The following PCDH10 variants were observed in gnomAD, a reference collection of about 807,000 sequenced individuals.
PCDH10 encodes protocadherin 10, also known as protocadherin-10.
PCDH10 carries 15 observed loss-of-function variants against 74.4 expected under a neutral mutation model. That is an observed-to-expected ratio of 0.20 (90% CI 0.13 to 0.31). The LOEUF is 0.31. Ranked by LOEUF, PCDH10 falls within the 10% of genes least tolerant of loss-of-function variation. The pLI is 1.00. For synonymous variants in PCDH10, 619 were observed against 589.8 expected, an observed-to-expected ratio of 1.05 and a Z score of -0.72; for missense variants, 1,260 against 1,390.2, an observed-to-expected ratio of 0.91 and a Z score of 1.49.
intron 2 of PCDH10, among the ~76,000 whole-genome samples, chr4:133,202,073 G>A (rs62311841): frequency 0.13 from 20,294 of 152,014 alleles, 1,771 homozygotes; most frequent in Middle Eastern, 0.22. Flanking sequence ...TTATATCTTT[G>A]TGATAAGTAG....
rs535030039 is a variant in PCDH10 at position 133,194,010 on chromosome 4, A to C, written c.*3850A>C. On this transcript the variant is annotated 3_prime_UTR_variant, in exon 5 of 5. Transcript: ENST00000264360. ...GCTAAGTCAGACAAAATCCTTATAC[A>C]GTAATTTGTGAAACTGTTCAGTAGA... is the stretch of plus-strand genomic sequence containing the variant. The C allele has an allele frequency of 1.3e-5, 2 of 151,920 alleles. No individual in the cohort carries two copies. Among genetic ancestry groups the C allele is most frequent in the East Asian group, 3.9e-4 (2 of 5,176 alleles). 9.4% of individuals were successfully genotyped at this position (151,920 alleles called of 1,614,324 possible).
intron 3 of PCDH10, among the ~76,000 whole-genome samples, chr4:133,162,457 A>T (rs1726988257): frequency 6.6e-6 from 1 of 152,042 alleles, no homozygotes; most frequent in African/African-American, 2.4e-5. Context: ...TTTCTGTTGA[A>T]TTTCACTTTC....
chr4:133,153,092 G>A, intron 1 of PCDH10: 2 of 1,335,568 alleles, frequency 1.5e-6, no homozygotes, highest in Non-Finnish European at 1.9e-6. Context: ...CTGCGTGAAG[G>A]GAGAGGGAAA....
intron 3 of PCDH10, among the ~76,000 whole-genome samples, chr4:133,158,297 T>G (rs1433726591): frequency 6.6e-6 from 1 of 152,128 alleles, no homozygotes; most frequent in Non-Finnish European, 1.5e-5. Context: ...AAGTGATCTG[T>G]TTAGTAGTGA....
intron 2 of PCDH10, among the ~76,000 whole-genome samples, chr4:133,200,087 C>G (rs556453550): frequency 1.2e-4 from 18 of 151,842 alleles, no homozygotes; most frequent in African/African-American, 4.1e-4. Flanking sequence ...CGTGAGCCAC[C>G]GCGCCCGGCC....
intron 2 of PCDH10, among the ~76,000 whole-genome samples, chr4:133,205,137 C>G (rs1727976548): frequency 6.6e-6 from 1 of 152,138 alleles, no homozygotes; most frequent in Admixed American, 6.5e-5. Context: ...TCTTCTGGAG[C>G]AGAGTGGGAA....
In PCDH10 at chr4:133,151,172, G is replaced by A; in HGVS notation, c.1032G>A (p.Val344=). The A allele has an allele frequency of 1.2e-6, 2 of 1,614,172 alleles. No individual in the cohort carries two copies. Among genetic ancestry groups the A allele is most frequent in the Non-Finnish European group, 1.7e-6 (2 of 1,180,036 alleles). The change falls in exon 1 of 5, where the codon GTG becomes GTA. Residue 344 remains valine, a synonymous_variant. Coordinates refer to ENST00000264360, the MANE Select transcript of PCDH10 (RefSeq NM_032961.3). ...ACGCCGTGCCTGCGCACTGCAAGGT[G>A]CTAGTGCGAGTACTGGATGCTAATG... ...GPNAVPAHCK[V]LVRVLDANDN...
rs113197798 is a variant in PCDH10, at chr4:133,190,071, A to G, written c.3104-70A>G. 1.5e-4 allele frequency: 185 copies of G among 1,274,256 alleles called. 2 individuals are homozygous for G. In the African/African-American group the frequency reaches 1.8e-3, roughly 12 times the overall value. The allele number at this position is 1,274,256 out of a possible 1,614,324, so 78.9% of individuals were successfully genotyped here. On this transcript the variant is annotated intron_variant, in intron 4 of 4. Transcript: ENST00000264360. ...TTTCTAACTGTATTCTTTCTTTTACAATAATGTGTAATTCTAAACTCCAAA... is the reference window on the plus strand; with the variant it reads ...TTTCTAACTGTATTCTTTCTTTTACGATAATGTGTAATTCTAAACTCCAAA...
At chr4:133,157,136 G>A (rs1330268324) in intron 3 of PCDH10, among the ~76,000 whole-genome samples, 2 of 152,270 alleles carry the variant, frequency 1.3e-5, no homozygotes, top group Middle Eastern at 3.4e-3. Context: ...TTACACGGCA[G>A]CCACAACATA....
chr4:133,180,113 C>T (rs1578572251), intron 4 of PCDH10, among the ~76,000 whole-genome samples: 3 of 151,974 alleles, frequency 2.0e-5, no homozygotes, highest in African/African-American at 4.8e-5. Flanking sequence ...TCTGGTATAT[C>T]ACTTTGTCTT....
At position 133,168,010 on chromosome 4, in the gene PCDH10, A is replaced by G. The variant is rs187888596; in HGVS notation, c.3103+4728A>G. ...TTATTTTAAAAATATTACTTATTTT[A>G]TTGTATTTGGTGAATTTTATTTTAT... On this transcript the variant is annotated intron_variant, in intron 4 of 4. Coordinates refer to ENST00000264360, the MANE Select transcript of PCDH10 (RefSeq NM_032961.3). 4.7e-3 allele frequency among the ~76,000 whole-genome samples: 717 copies of G among 151,376 alleles called. 2 individuals carry two copies. The highest frequency in any genetic ancestry group is 7.2e-3 in the Non-Finnish European group (482 of 67,402).
intron 2 of PCDH10, among the ~76,000 whole-genome samples, chr4:133,204,028 G>T (rs1727955329): frequency 6.6e-6 from 1 of 152,166 alleles, no homozygotes; most frequent in Admixed American, 6.5e-5. Flanking sequence ...TTTAAGACGG[G>T]CTGGCAAGAA....
chr4:133,150,500 C>G lies in PCDH10; in HGVS notation c.360C>G (p.Pro120=), dbSNP rs1437366749. The change falls in exon 1 of 5, where the codon CCC becomes CCG. Residue 120 remains proline, a synonymous_variant. Coordinates refer to ENST00000264360, the MANE Select transcript of PCDH10 (RefSeq NM_032961.3). ...IEVLDINDNP[P]SFPEPDLTVE... ...TGCTGGACATTAATGACAACCCCCC[C>G]TCTTTCCCGGAGCCAGACCTGACGG... is the stretch of plus-strand genomic sequence containing the variant. 7 of 1,613,066 alleles carry G rather than the reference C, an allele frequency of 4.3e-6. No individual in the cohort carries two copies. Among genetic ancestry groups the G allele is most frequent in the Admixed American group, 3.3e-5 (2 of 59,966 alleles).
chr4:133,153,039 T>G, intron 1 of PCDH10: 1 of 1,414,848 alleles, frequency 7.1e-7, no homozygotes, highest in African/African-American at 1.4e-5. Flanking sequence ...TCTTCCATCC[T>G]GTCAGTCCTT....
chr4:133,178,881 C>T (rs189000487), intron 4 of PCDH10, among the ~76,000 whole-genome samples: 59 of 149,048 alleles, frequency 4.0e-4, no homozygotes, highest in African/African-American at 1.4e-3. Flanking sequence ...TCATTATGTG[C>T]CTTATTTTTT....
At position 133,152,309 on chromosome 4, in the gene PCDH10, C is replaced by G. The variant is rs776491545; in HGVS notation, c.2169C>G (p.Gly723=). Residue 723 remains glycine (G), a synonymous_variant, in exon 1 of 5, where the codon GGC becomes GGG. Coordinates refer to ENST00000264360, the MANE Select transcript of PCDH10 (RefSeq NM_032961.3). ...CCCTCATCCTCATCATCGCGTTGGG[C>G]TCGGTGTCCTTCATCTTCCTGCTGG... ...DLTLILIIAL[G]SVSFIFLLAM... 4 of 1,614,216 alleles carry G rather than the reference C, an allele frequency of 2.5e-6. No individual in the cohort carries two copies. Among genetic ancestry groups the G allele is most frequent in the Non-Finnish European group, 3.4e-6 (4 of 1,180,048 alleles).
chr4:133,155,796 A>C (rs1473487879), intron 3 of PCDH10, among the ~76,000 whole-genome samples: 1 of 152,140 alleles, frequency 6.6e-6, no homozygotes, highest in Non-Finnish European at 1.5e-5. Flanking sequence ...GATCCTGGTA[A>C]CTCTTATTAC....
At chr4:133,178,950 G>A (rs1266644179) in intron 4 of PCDH10, among the ~76,000 whole-genome samples, 1 of 152,014 alleles carries the variant, frequency 6.6e-6, no homozygotes, top group Non-Finnish European at 1.5e-5. Context: ...CCTAAATTTT[G>A]TTGCTGTGGA....
rs1341345233 is a variant in PCDH10, at chr4:133,151,911, C to T, written c.1771C>T (p.Pro591Ser). ...CGGGACTCCAGCGCGTGAGGTGCTG[C>T]CCCGCTCGGCGGAGCCGGGTTACCT... ...RNGTPAREVL[P>S]RSAEPGYLLT... Residue 591 changes from proline (P) to serine (S), a missense_variant, in exon 1 of 5, where the codon CCC (proline) becomes TCC (serine). Coordinates refer to ENST00000264360, the MANE Select transcript of PCDH10 (RefSeq NM_032961.3). The T allele has an allele frequency of 8.7e-6, 14 of 1,612,274 alleles. No homozygotes were observed. Among genetic ancestry groups the T allele is most frequent in the Non-Finnish European group, 1.2e-5 (14 of 1,179,676 alleles).
Sources: gnomAD v4.1 joint callset for allele counts (sites outside exome capture counted in the v4.1 genomes callset) on GRCh38, gnomAD v4.1.1 for gene constraint, MANE v1.5 for transcripts, NCBI Gene and HGNC (gene_info 2026-07-23, HGNC 2026-07-21) for gene names.